The following SMC3 variants were observed in gnomAD, a reference collection of about 807,000 sequenced individuals.
The protein encoded by SMC3 is structural maintenance of chromosomes protein 3.
Under a neutral mutation model 171.8 loss-of-function variants are expected in SMC3, and 20 were observed. The observed-to-expected ratio is 0.12, with a 90% CI of 0.08 to 0.17. The LOEUF (loss-of-function observed/expected upper bound fraction) is 0.17. Ranked by LOEUF, SMC3 falls within the 10% of genes least tolerant of loss-of-function variation. SMC3 has a pLI of 1.00. For missense variants in SMC3, 543 were observed against 1,420.4 expected, an observed-to-expected ratio of 0.38 and a Z score of 9.93; for synonymous variants, 464 against 451.1, an observed-to-expected ratio of 1.03 and a Z score of -0.36.
chr10:110,601,477 A>G (rs1336650216), intron 23 of SMC3, among the ~76,000 whole-genome samples, 160 bp from the exon 24 acceptor site: 1 of 152,206 alleles, frequency 6.6e-6, no homozygotes, highest in African/African-American at 2.4e-5. Context: ...ATATACTTCT[A>G]ATTTTGTACT....
chr10:110,583,342 TACTTCTA>T lies in SMC3; in HGVS notation c.805-40_805-34del, dbSNP rs1336926769. ...TAATGGTGTCACAATTCTGCTATTGTACTTCTAATTGCCTTATTTTCTGTTTAATACT... is the reference window on the plus strand; with the variant it reads ...TAATGGTGTCACAATTCTGCTATTGTATTGCCTTATTTTCTGTTTAATACT... On this transcript the variant is annotated intron_variant, in intron 10 of 28. Coordinates refer to ENST00000361804, the MANE Select transcript of SMC3 (RefSeq NM_005445.4). 2.6e-6 allele frequency: 4 copies of T among 1,509,920 alleles called. No homozygotes were observed. The African/African-American group carries it at 4.1e-5, about 16-fold the overall frequency. The allele number at this position is 1,509,920 out of a possible 1,614,324, so 93.5% of individuals were successfully genotyped here.
Position 110,604,588 on chromosome 10 carries a change from T to C in SMC3, c.*286T>C, listed in dbSNP as rs945780587. On this transcript the variant is annotated 3_prime_UTR_variant, in exon 29 of 29. Transcript: ENST00000361804. The stretch of plus-strand genomic sequence containing the variant: ...TCTTTCCTAATTATTTTATCACTTA[T>C]ACTACCTTTTTTATAGCTTCAATTA... 1.1e-5 allele frequency: 4 copies of C among 356,686 alleles called. No individual in the cohort carries two copies. Among genetic ancestry groups the C allele is most frequent in the East Asian group, 6.3e-5 (1 of 15,856 alleles). The allele number at this position is 356,686 out of a possible 1,614,324, so 22.1% of individuals were successfully genotyped here.
intron 4 of SMC3, among the ~76,000 whole-genome samples, chr10:110,577,056 A>G (rs932141002): frequency 6.6e-6 from 1 of 152,298 alleles, no homozygotes; most frequent in South Asian, 2.1e-4. Context: ...CCAGTCTTGC[A>G]GTCTAATAAA....
intron 2 of SMC3, among the ~76,000 whole-genome samples, chr10:110,571,428 T>C (rs1373493115): frequency 6.6e-6 from 1 of 152,214 alleles, no homozygotes; most frequent in Non-Finnish European, 1.5e-5. Flanking sequence ...GATAGAGGAA[T>C]GGATTTGGAT....
chr10:110,590,631 C>CTACAA, intron 16 of SMC3, 59 bp downstream of exon 16: 1 of 1,466,896 alleles, frequency 6.8e-7, no homozygotes, highest in Non-Finnish European at 9.5e-7. Context: ...ATAGCTTAAA[C>CTACAA]AACTTTTGTA....
rs184982789 is a variant in SMC3 at position 110,587,672 on chromosome 10, C to T, written c.1306-1933C>T. Among the ~76,000 whole-genome samples the T allele has an allele frequency of 4.8e-4, 69 of 143,436 alleles. 1 individual carries two copies. In the East Asian group the frequency reaches 0.013, roughly 26 times the overall value. The allele number at this position is 143,436 out of a possible 152,430, so 94.1% of individuals were successfully genotyped here. A position where few individuals can be genotyped will look rare whatever the true frequency, so the allele number is the denominator to read the frequency against. On this transcript the variant is annotated intron_variant, in intron 13 of 28. Transcript: ENST00000361804. ...CTGCACTCCAGCCTGGACGACAGAG[C>T]GAGACTCCGTCTCAAAGAAAAAAAA...
At chr10:110,584,642 T>C (rs192971104) in intron 13 of SMC3, among the ~76,000 whole-genome samples, 269 of 152,334 alleles carry the variant, frequency 1.8e-3, no homozygotes, top group African/African-American at 6.0e-3. Flanking sequence ...TTTAATTTTT[T>C]TGAGATAGGG....
chr10:110,570,983 A>G (rs148023463), intron 2 of SMC3, among the ~76,000 whole-genome samples: 157 of 152,370 alleles, frequency 1.0e-3, no homozygotes, highest in African/African-American at 3.7e-3. Context: ...GATGTTGACT[A>G]TTAAAAAATA....
At chr10:110,596,359 AAAAGTTGT>A in intron 18 of SMC3, 31 bp from the exon 19 acceptor site, 1 of 1,555,574 alleles carries the variant, frequency 6.4e-7, no homozygotes, top group South Asian at 1.2e-5. Context: ...CATTGAATAA[AAAAGTTGT>A]ACAGACCTAT....
intron 13 of SMC3, among the ~76,000 whole-genome samples, chr10:110,586,908 G>C (rs1028294737): frequency 6.6e-6 from 1 of 151,932 alleles, no homozygotes; most frequent in Non-Finnish European, 1.5e-5. Context: ...CCGCCCACCT[G>C]AGCCTCCCAA....
At position 110,593,207 on chromosome 10, in the gene SMC3, C is replaced by T. The variant is rs1238059198; in HGVS notation, c.1947C>T (p.Asp649=). Residue 649 remains aspartate, a synonymous_variant, in exon 18 of 29, where the codon GAC becomes GAT. Transcript: ENST00000361804. ...STQLARAFTM[D]CITLEGDQVS... is the part of the protein sequence containing the mutation. ...AGCTGGCCCGTGCTTTCACTATGGA[C>T]TGTATTACTTTGGAAGGTTTGTAAT... The T allele has an allele frequency of 6.2e-7, 1 of 1,614,072 alleles. No individual in the cohort carries two copies. Among genetic ancestry groups the T allele is most frequent in the Non-Finnish European group, 8.5e-7 (1 of 1,179,918 alleles).
At position 110,593,199 on chromosome 10, in the gene SMC3, A is replaced by G. The variant is rs746726207; in HGVS notation, c.1939A>G (p.Thr647Ala). 6.2e-7 allele frequency: 1 copy of G among 1,614,158 alleles called. No individual in the cohort carries two copies. The highest frequency in any genetic ancestry group is 8.5e-7 in the Non-Finnish European group (1 of 1,179,994). The change falls in exon 18 of 29, where the codon ACT becomes GCT. Residue 647 changes from threonine to alanine, a missense_variant. This residue lies in a region of SMC3 where 218 missense variants were observed against 509.6 expected (regional missense o/e 0.43). Transcript: ENST00000361804. ...EVSTQLARAF[T>A]MDCITLEGDQ... ...TTCAACCCAGCTGGCCCGTGCTTTC[A>G]CTATGGACTGTATTACTTTGGAAGG...
In SMC3 at chr10:110,580,553, A is replaced by G. The variant is rs534525407; in HGVS notation, c.430-351A>G. ...TAGGCATGCGTACTATACAAATGAC[A>G]TTAGCCAAATCATAATCTGTTTAAA... On this transcript the variant is annotated intron_variant, in intron 7 of 28. Transcript: ENST00000361804. Among the ~76,000 whole-genome samples the G allele has an allele frequency of 7.2e-4, 109 of 152,364 alleles. 1 individual carries two copies. The highest frequency in any genetic ancestry group is 2.4e-3 in the African/African-American group (101 of 41,592).
At chr10:110,603,454 C>G (rs1314458711) in intron 28 of SMC3, among the ~76,000 whole-genome samples, 164 bp downstream of exon 28, 1 of 152,046 alleles carries the variant, frequency 6.6e-6, no homozygotes, top group Non-Finnish European at 1.5e-5. Context: ...TGAAGTTTAG[C>G]AGTATTTTAT....
chr10:110,598,185 C>T lies in SMC3; in HGVS notation c.2163C>T (p.Ile721=), dbSNP rs1193209124. 3.0e-5 allele frequency: 48 copies of T among 1,613,580 alleles called. No homozygotes were observed. In the East Asian group the frequency reaches 8.7e-4, roughly 29 times the overall value. ...AGTTGATGAACCAAATGCAACAGATCGAGACCCAGCAAAGGAAATTTAAAG... is the reference window on the plus strand; with the variant it reads ...AGTTGATGAACCAAATGCAACAGATTGAGACCCAGCAAAGGAAATTTAAAG... ...IDQLMNQMQQ[I]ETQQRKFKAS... The change falls in exon 20 of 29, where the codon ATC becomes ATT. Residue 721 remains isoleucine (I), a synonymous_variant. Coordinates refer to ENST00000361804, the MANE Select transcript of SMC3 (RefSeq NM_005445.4).
intron 11 of SMC3, 26 bp downstream of exon 11, chr10:110,583,574 G>C (rs1554882681): frequency 6.2e-7 from 1 of 1,609,880 alleles, no homozygotes; most frequent in Non-Finnish European, 8.5e-7. Context: ...AAAAATGAAA[G>C]ATGTGAATGT....
chr10:110,590,855 T>C, intron 16 of SMC3, 136 bp from the exon 17 acceptor site: 1 of 796,324 alleles, frequency 1.3e-6, no homozygotes, highest in South Asian at 1.7e-5. Flanking sequence ...GATGCTTAAG[T>C]GTTTATAACA....
At chr10:110,577,354 T>A in intron 4 of SMC3, 67 bp from the exon 5 acceptor site, 1 of 1,237,570 alleles carries the variant, frequency 8.1e-7, no homozygotes, top group Non-Finnish European at 1.2e-6. Context: ...CCCTAGACTT[T>A]AAGAATCCTT....
Position 110,598,295 on chromosome 10 carries a change from G to GT in SMC3, c.2268+6dup, listed in dbSNP as rs1861331462. 3 of 1,612,740 alleles carry GT rather than the reference G, an allele frequency of 1.9e-6. No individual in the cohort carries two copies. The highest frequency in any genetic ancestry group is 2.5e-6 in the Non-Finnish European group (3 of 1,178,888). ...GAGAAAACCTTCATGCCTAAGGTTC[G>GT]TAAGTATATCTTTGGTTATAGATCG... On this transcript the variant is annotated splice_donor_region_variant and intron_variant, in intron 20 of 28. Coordinates refer to ENST00000361804, the MANE Select transcript of SMC3 (RefSeq NM_005445.4).
Sources: gnomAD v4.1 joint callset for allele counts (sites outside exome capture counted in the v4.1 genomes callset) on GRCh38, gnomAD v4.1.1 for gene constraint, gnomAD v4.1.1 regional missense constraint, MANE v1.5 for transcripts, NCBI Gene and HGNC (gene_info 2026-07-23, HGNC 2026-07-21) for gene names.